The following SLC16A9 variants were observed in gnomAD, a reference collection of about 807,000 sequenced individuals.
SLC16A9 encodes the protein monocarboxylate transporter 9.
Under a neutral mutation model 44.3 loss-of-function variants are expected in SLC16A9, and 26 were observed. The ratio of observed to expected loss-of-function variants is 0.59; its 90% confidence interval spans 0.43 to 0.81. The LOEUF is 0.81. SLC16A9 is among the 40% of genes least tolerant of loss of function. The pLI, the probability that SLC16A9 is intolerant of heterozygous loss-of-function variation, is 0.00. For missense variants in SLC16A9, 559 were observed against 595.8 expected (o/e 0.94, Z 0.64); for synonymous variants, 230 against 225.1 (o/e 1.02, Z -0.19).
intron 5 of SLC16A9, 62 bp from the exon 6 acceptor site, chr10:59,653,012 C>T: frequency 7.8e-7 from 1 of 1,289,632 alleles, no homozygotes; most frequent in Non-Finnish European, 1.1e-6. Flanking sequence ...CCATCCCATA[C>T]CCTAATTATA....
intron 3 of SLC16A9, among the ~76,000 whole-genome samples, chr10:59,671,024 A>C (rs1012087540): frequency 6.6e-5 from 10 of 152,144 alleles, no homozygotes; most frequent in African/African-American, 1.2e-4. Flanking sequence ...GCTTGACATC[A>C]TTTAGTCCTC....
At chr10:59,682,706 TC>T (rs1840049140) in intron 2 of SLC16A9, among the ~76,000 whole-genome samples, 1 of 152,144 alleles carries the variant, frequency 6.6e-6, no homozygotes, top group Non-Finnish European at 1.5e-5. Context: ...AATTATTTCC[TC>T]CCCACTACAG....
chr10:59,692,789 G>A (rs1288401816), intron 1 of SLC16A9, among the ~76,000 whole-genome samples: 1 of 152,042 alleles, frequency 6.6e-6, no homozygotes, highest in African/African-American at 2.4e-5. Flanking sequence ...AAGGAATCCT[G>A]GGAATTGAGA....
At chr10:59,698,835 T>A (rs568050374) in intron 1 of SLC16A9, among the ~76,000 whole-genome samples, 5 of 152,142 alleles carry the variant, frequency 3.3e-5, no homozygotes, top group Admixed American at 3.3e-4. Flanking sequence ...CCTCCCGGGT[T>A]CAAGCAATTC....
intron 4 of SLC16A9, among the ~76,000 whole-genome samples, chr10:59,661,347 T>C (rs186516086): frequency 2.6e-5 from 4 of 152,320 alleles, no homozygotes; most frequent in African/African-American, 7.2e-5. Flanking sequence ...CAAGCATTCC[T>C]ATACACCAAT....
chr10:59,652,711 C>A lies in SLC16A9; in HGVS notation c.*61G>T. 2 of 1,424,112 alleles carry A rather than the reference C, an allele frequency of 1.4e-6. No individual in the cohort carries two copies. Among genetic ancestry groups the A allele is most frequent in the Non-Finnish European group, 1.9e-6 (2 of 1,068,740 alleles). The allele number at this position is 1,424,112 out of a possible 1,614,324, so 88.2% of individuals were successfully genotyped here. Reference sequence around the variant, plus strand: ...GACTCTAGAAAATTTGCTTGAGAATCTGTTAAAATATCGTTGCTATATGGT... The same window carrying A: ...GACTCTAGAAAATTTGCTTGAGAATATGTTAAAATATCGTTGCTATATGGT... On this transcript the variant is annotated 3_prime_UTR_variant, in exon 6 of 6. Coordinates refer to ENST00000395348, the MANE Select transcript of SLC16A9 (RefSeq NM_194298.3).
At chr10:59,677,916 A>G (rs1359822651) in intron 2 of SLC16A9, among the ~76,000 whole-genome samples, 1 of 151,652 alleles carries the variant, frequency 6.6e-6, no homozygotes, top group Non-Finnish European at 1.5e-5. Flanking sequence ...TTTAAGTTTT[A>G]GGGTACATGT....
At chr10:59,661,487 G>A (rs1002104122) in intron 4 of SLC16A9, among the ~76,000 whole-genome samples, 25 of 152,082 alleles carry the variant, frequency 1.6e-4, no homozygotes, top group Non-Finnish European at 3.4e-4. Context: ...ACTGCTCAAG[G>A]AAATAAGAGA....
chr10:59,687,438 C>A lies in SLC16A9; in HGVS notation c.-36-3111G>T, dbSNP rs943198695. ...TTATTACATTTTATCAATGTATTTC[C>A]AGTGTATAGGAAGATGGTCATACAA... On this transcript the variant is annotated intron_variant, in intron 1 of 5. Transcript: ENST00000395348. Among the ~76,000 whole-genome samples, 3 of 151,988 alleles carry A rather than the reference C, an allele frequency of 2.0e-5. 1 individual carries two copies. Among genetic ancestry groups the A allele is most frequent in the Non-Finnish European group, 4.4e-5 (3 of 68,016 alleles).
intron 1 of SLC16A9, among the ~76,000 whole-genome samples, chr10:59,699,000 T>C (rs188681462): frequency 1.1e-3 from 160 of 152,300 alleles, no homozygotes; most frequent in African/African-American, 3.5e-3. Context: ...TGCCTCAGCC[T>C]CCCGAAGTGC....
At chr10:59,700,672 G>C (rs1840502918) in intron 1 of SLC16A9, among the ~76,000 whole-genome samples, 1 of 152,098 alleles carries the variant, frequency 6.6e-6, no homozygotes, top group Non-Finnish European at 1.5e-5. Flanking sequence ...TCTTTCAAAG[G>C]TTTTCTTAGA....
chr10:59,676,922 C>CAAAAAAA (rs35816952), intron 2 of SLC16A9, among the ~76,000 whole-genome samples: 1 of 104,864 alleles, frequency 9.5e-6, no homozygotes, highest in African/African-American at 3.6e-5. Context: ...ACTCTTGTCT[C>CAAAAAAA]AAAAAAAAAA....
intron 3 of SLC16A9, among the ~76,000 whole-genome samples, chr10:59,671,043 C>T (rs967954559): frequency 6.6e-6 from 1 of 152,164 alleles, no homozygotes; most frequent in African/African-American, 2.4e-5. Context: ...TCACAAGACC[C>T]ATACGAGGTA....
chr10:59,704,709 T>C (rs1480599387), intron 1 of SLC16A9, among the ~76,000 whole-genome samples: 2 of 152,216 alleles, frequency 1.3e-5, no homozygotes, highest in Non-Finnish European at 2.9e-5. Flanking sequence ...ACTGCCAGGC[T>C]CTCATTTCAG....
intron 1 of SLC16A9, among the ~76,000 whole-genome samples, chr10:59,704,207 T>A (rs1232117927): frequency 1.3e-5 from 2 of 152,064 alleles, no homozygotes; most frequent in African/African-American, 4.8e-5. Context: ...CTCCCTAATA[T>A]CTCCCTGACG....
At chr10:59,680,004 T>C (rs1160583067) in intron 2 of SLC16A9, among the ~76,000 whole-genome samples, 1 of 152,218 alleles carries the variant, frequency 6.6e-6, no homozygotes, top group Non-Finnish European at 1.5e-5. Flanking sequence ...ACCTTTTTTT[T>C]CTGTCTCTTC....
At chr10:59,671,502 T>C (rs1839749122) in intron 3 of SLC16A9, among the ~76,000 whole-genome samples, 1 of 152,198 alleles carries the variant, frequency 6.6e-6, no homozygotes, top group South Asian at 2.1e-4. Flanking sequence ...ACGTAATATA[T>C]GGGATTATGC....
intron 4 of SLC16A9, among the ~76,000 whole-genome samples, chr10:59,660,034 C>G (rs547441659): frequency 6.6e-6 from 1 of 152,110 alleles, no homozygotes; most frequent in South Asian, 2.1e-4. Flanking sequence ...ACTAAATGCC[C>G]ACAGGAGAAA....
chr10:59,673,725 T>C (rs1204036913), intron 2 of SLC16A9, among the ~76,000 whole-genome samples: 1 of 152,194 alleles, frequency 6.6e-6, no homozygotes, highest in Non-Finnish European at 1.5e-5. Context: ...CTGCTGGCAG[T>C]GTTTACTAAA....
Sources: allele counts gnomAD v4.1 joint callset (sites outside exome capture counted in the v4.1 genomes callset), GRCh38; gene constraint gnomAD v4.1.1; transcripts MANE v1.5; gene names NCBI Gene and HGNC (gene_info 2026-07-23, HGNC 2026-07-21).